SYNE1: variants seen among roughly 807,000 people sequenced by gnomAD.
SYNE1 encodes spectrin repeat containing nuclear envelope protein 1, also known as nesprin-1.
A neutral mutation model predicts 1,111.0 loss-of-function variants in SYNE1; 616 were observed. The observed-to-expected ratio is 0.55, with a 90% CI of 0.52 to 0.59. The LOEUF (loss-of-function observed/expected upper bound fraction) is 0.59, where lower values mean the gene tolerates loss of function less well. SYNE1 is among the 20% of genes least tolerant of loss of function. The pLI, the probability that SYNE1 is intolerant of heterozygous loss-of-function variation, is 0.00. For synonymous variants in SYNE1, 3,855 were observed against 3,825.8 expected (o/e 1.01, Z -0.28); for missense variants, 10,006 against 10,417.0 (o/e 0.96, Z 1.72).
intron 105 of SYNE1, among the ~76,000 whole-genome samples, chr6:152,246,597 C>CA (rs1466108006): frequency 3.3e-5 from 5 of 151,854 alleles, no homozygotes; most frequent in Admixed American, 6.6e-5. Context: ...GAGTATCTGA[C>CA]AAAAAGGAGT....
intron 95 of SYNE1, among the ~76,000 whole-genome samples, chr6:152,289,099 T>C (rs1310347178): frequency 3.9e-5 from 6 of 152,186 alleles, no homozygotes; most frequent in African/African-American, 1.4e-4. Flanking sequence ...TTATGCTATG[T>C]GAATTTCACC....
In SYNE1 at chr6:152,286,384, C is replaced by T. The variant is rs568667944; in HGVS notation, c.18013-2212G>A. ...TGAGCTTTATAGAAATGGAGTCATA[C>T]ACGATGCACTGCTCTGTGTCTGGCT... On this transcript the variant is annotated intron_variant, in intron 95 of 145. Coordinates refer to ENST00000367255, the MANE Select transcript of SYNE1 (RefSeq NM_182961.4). Among the ~76,000 whole-genome samples the T allele has an allele frequency of 3.0e-4, 46 of 152,282 alleles. No individual in the cohort carries two copies. In the South Asian group the frequency reaches 9.5e-3, roughly 32 times the overall value.
chr6:152,374,208 T>A (rs1445242115), intron 58 of SYNE1, among the ~76,000 whole-genome samples: 2 of 152,218 alleles, frequency 1.3e-5, no homozygotes, highest in Non-Finnish European at 2.9e-5. Flanking sequence ...TTTCCTTTCA[T>A]GTGGCTAGAG....
intron 112 of SYNE1, among the ~76,000 whole-genome samples, chr6:152,233,481 C>T (rs1175957319): frequency 6.6e-5 from 10 of 152,092 alleles, no homozygotes; most frequent in African/African-American, 1.7e-4. Flanking sequence ...CACACCGCCA[C>T]GCCAGGCTAA....
At chr6:152,259,543 G>A (rs533934888) in intron 101 of SYNE1, among the ~76,000 whole-genome samples, 1 of 152,158 alleles carries the variant, frequency 6.6e-6, no homozygotes, top group Non-Finnish European at 1.5e-5. Flanking sequence ...TGAAAGAGGA[G>A]GGACTTAGGT....
At chr6:152,611,065 T>A (rs112009229) in intron 3 of SYNE1, among the ~76,000 whole-genome samples, 4 of 152,308 alleles carry the variant, frequency 2.6e-5, no homozygotes, top group African/African-American at 7.2e-5. Flanking sequence ...AGACCATTGA[T>A]GCTATGAAGA....
chr6:152,534,195 AATGAATG>A (rs1564694336), intron 4 of SYNE1, among the ~76,000 whole-genome samples: 31 of 149,424 alleles, frequency 2.1e-4, no homozygotes, highest in Middle Eastern at 3.6e-3. Context: ...TGAATGAATG[AATGAATG>A]AATAAATAAA....
At chr6:152,414,811 C>T (rs374131524) in intron 41 of SYNE1, among the ~76,000 whole-genome samples, 31 of 148,890 alleles carry the variant, frequency 2.1e-4, no homozygotes, top group African/African-American at 7.4e-4. Flanking sequence ...AATGATACTG[C>T]TGGCATCCAG....
intron 8 of SYNE1, among the ~76,000 whole-genome samples, chr6:152,505,759 AT>A (rs1420924627): frequency 6.6e-6 from 1 of 152,224 alleles, no homozygotes; most frequent in African/African-American, 2.4e-5. Flanking sequence ...TTAGAGAAAA[AT>A]GTCTGAAAAA....
intron 108 of SYNE1, 89 bp from the exon 109 acceptor site, chr6:152,237,037 C>T: frequency 6.5e-7 from 1 of 1,532,238 alleles, no homozygotes; most frequent in African/African-American, 1.4e-5. Flanking sequence ...GCCTGACAGT[C>T]TCTCCTTAAA....
At chr6:152,339,694 T>C (rs2096489607) in intron 74 of SYNE1, among the ~76,000 whole-genome samples, 1 of 152,250 alleles carries the variant, frequency 6.6e-6, no homozygotes, top group South Asian at 2.1e-4. Flanking sequence ...AAAGAATTTG[T>C]AGCCTACGCT....
chr6:152,347,009 G>A, intron 73 of SYNE1, 50 bp downstream of exon 73: 1 of 1,606,946 alleles, frequency 6.2e-7, no homozygotes, highest in Non-Finnish European at 8.5e-7. Flanking sequence ...AGACTGCACA[G>A]CCTCTCCCCA....
Position 152,213,621 on chromosome 6 carries a change from T to C in SYNE1, c.22485A>G (p.Arg7495=), listed in dbSNP as rs2077979088. ...GNYQHLLEQQ[R]AHELFQAEMF... is the part of the protein sequence containing the mutation. ...TACTGATACAACTTACCTCGTGTGC[T>C]CTCTGCTGTTCCAAAAGGTGCTGAT... Residue 7495 remains arginine, a synonymous_variant, in exon 123 of 146, where the codon AGA becomes AGG. Transcript: ENST00000367255. 1 of 1,614,104 alleles carries C rather than the reference T, an allele frequency of 6.2e-7. No homozygotes were observed. The highest frequency in any genetic ancestry group is 2.2e-5 in the East Asian group (1 of 44,858).
intron 12 of SYNE1, 88 bp from the exon 13 acceptor site, chr6:152,485,060 C>T (rs2098932003): frequency 7.2e-7 from 1 of 1,396,678 alleles, no homozygotes; most frequent in Non-Finnish European, 9.9e-7. Context: ...ACAATCTTTT[C>T]TATTTGGATA....
chr6:152,192,131 G>C (rs1363696962), intron 127 of SYNE1, among the ~76,000 whole-genome samples: 1 of 152,080 alleles, frequency 6.6e-6, no homozygotes, highest in African/African-American at 2.4e-5. Flanking sequence ...TTTCACTTTT[G>C]TTTGAATGTT....
intron 32 of SYNE1, among the ~76,000 whole-genome samples, chr6:152,440,097 T>C (rs1208945009): frequency 6.6e-6 from 1 of 152,162 alleles, no homozygotes; most frequent in Non-Finnish European, 1.5e-5. Flanking sequence ...TCTGGTTAGT[T>C]TCCCTATCTT....
At chr6:152,469,318 T>C (rs758250807) in intron 16 of SYNE1, among the ~76,000 whole-genome samples, 5 of 151,990 alleles carry the variant, frequency 3.3e-5, no homozygotes, top group African/African-American at 7.3e-5. Flanking sequence ...ACCATTTCAT[T>C]ATTATTATTA....
At chr6:152,533,856 T>C (rs938466906) in intron 4 of SYNE1, among the ~76,000 whole-genome samples, 1 of 152,174 alleles carries the variant, frequency 6.6e-6, no homozygotes, top group Non-Finnish European at 1.5e-5. Context: ...AATAAATGTA[T>C]GATAAATAAA....
Position 152,409,089 on chromosome 6 carries a change from G to C in SYNE1, c.6519C>G (p.Ser2173Arg). The C allele has an allele frequency of 6.2e-7, 1 of 1,614,100 alleles. No homozygotes were observed. The highest frequency in any genetic ancestry group is 8.5e-7 in the Non-Finnish European group (1 of 1,179,990). Residue 2173 changes from serine to arginine, a missense_variant, in exon 44 of 146, where the codon AGC becomes AGG. Coordinates refer to ENST00000367255, the MANE Select transcript of SYNE1 (RefSeq NM_182961.4). The part of the protein sequence containing the change: ...DFSLVKTDME[S>R]TVDKWLDVSE... ...TTACATCCAGCCATTTGTCCACGGT[G>C]CTCTCCATGTCTGTTTTCACCAAGC... is the stretch of plus-strand genomic sequence containing the variant.
Sources: allele counts gnomAD v4.1 joint callset (sites outside exome capture counted in the v4.1 genomes callset), GRCh38; gene constraint gnomAD v4.1.1; transcripts MANE v1.5; gene names NCBI Gene and HGNC (gene_info 2026-07-23, HGNC 2026-07-21).